TIAM1: variants seen among roughly 807,000 people sequenced by gnomAD.
TIAM1 encodes the protein rho guanine nucleotide exchange factor TIAM1.
A neutral mutation model predicts 163.5 loss-of-function variants in TIAM1; 65 were observed. The ratio of observed to expected loss-of-function variants is 0.40; its 90% CI spans 0.33 to 0.49. TIAM1 has a LOEUF of 0.49. Ranked by LOEUF, TIAM1 falls within the 20% of genes least tolerant of loss-of-function variation. TIAM1 has a pLI of 0.77. For missense variants in TIAM1, 1,789 were observed against 2,044.7 expected (o/e 0.87, Z 2.41); for synonymous variants, 833 against 810.1 (o/e 1.03, Z -0.48).
intron 4 of TIAM1, among the ~76,000 whole-genome samples, chr21:31,256,481 C>T (rs1340644539): frequency 6.6e-6 from 1 of 151,796 alleles, no homozygotes; most frequent in East Asian, 1.9e-4. Flanking sequence ...AAATGTGGAC[C>T]TACAGAAACC....
At chr21:31,430,501 G>T (rs67411541) in intron 2 of TIAM1, among the ~76,000 whole-genome samples, 6,655 of 151,836 alleles carry the variant, frequency 0.044, 234 homozygotes, top group East Asian at 0.13. Context: ...TCAAGCTAGC[G>T]TTTATACTTA....
Position 31,266,209 on chromosome 21 carries a change from C to A in TIAM1, c.764G>T (p.Gly255Val). ...ATCAGACACCAAATTCCGACAGTAGCCTGCAAATTTGCTCCCCGGCCCCCC... is the reference window on the plus strand; with the variant it reads ...ATCAGACACCAAATTCCGACAGTAGACTGCAAATTTGCTCCCCGGCCCCCC... Reference protein sequence around the residue: ...ANGGPGSKFAGYCRNLVSDIP... With the variant: ...ANGGPGSKFAVYCRNLVSDIP... The change falls in exon 4 of 28, where the codon GGC (glycine) becomes GTC (valine). Residue 255 changes from glycine (G) to valine (V), a missense_variant. By Grantham distance (109) the Gly-to-Val change is moderately radical. Coordinates refer to ENST00000541036, the MANE Select transcript of TIAM1 (RefSeq NM_001353694.2). 1 of 1,614,146 alleles carries A rather than the reference C, an allele frequency of 6.2e-7. No homozygotes were observed. The highest frequency in any genetic ancestry group is 8.5e-7 in the Non-Finnish European group (1 of 1,180,046).
intron 6 of TIAM1, among the ~76,000 whole-genome samples, chr21:31,235,411 A>T (rs1057078990): frequency 5.3e-5 from 8 of 152,250 alleles, no homozygotes; most frequent in Non-Finnish European, 1.2e-4. Context: ...CTTTAATCCT[A>T]AATGTTCATA....
At chr21:31,243,107 G>A (rs2071286331) in intron 6 of TIAM1, among the ~76,000 whole-genome samples, 1 of 147,826 alleles carries the variant, frequency 6.8e-6, no homozygotes, top group Non-Finnish European at 1.5e-5. Flanking sequence ...CAGGAGAATT[G>A]CTTGAACGTG....
chr21:31,321,248 C>G (rs1332997962), intron 2 of TIAM1, among the ~76,000 whole-genome samples: 1 of 152,212 alleles, frequency 6.6e-6, no homozygotes, highest in African/African-American at 2.4e-5. Context: ...GGCAGGCCTG[C>G]ACCTCTGCCT....
chr21:31,225,600 C>A, intron 7 of TIAM1, 126 bp downstream of exon 7: 1 of 746,008 alleles, frequency 1.3e-6, no homozygotes, highest in Non-Finnish European at 2.2e-6. Flanking sequence ...AACTTAGCAT[C>A]CTGGATGACA....
intron 1 of TIAM1, among the ~76,000 whole-genome samples, chr21:31,464,838 G>A (rs118127540): frequency 0.032 from 3,450 of 107,594 alleles, 54 homozygotes; most frequent in Non-Finnish European, 0.043. Context: ...GCAAGCTTCC[G>A]TCTCGGGAAA....
At chr21:31,320,652 G>A (rs2075279280) in intron 2 of TIAM1, among the ~76,000 whole-genome samples, 1 of 152,162 alleles carries the variant, frequency 6.6e-6, no homozygotes, top group African/African-American at 2.4e-5. Flanking sequence ...AGCAATGGTA[G>A]GTGACTCCCT....
intron 2 of TIAM1, among the ~76,000 whole-genome samples, chr21:31,420,823 G>A (rs1602236394): frequency 6.6e-6 from 1 of 152,084 alleles, no homozygotes; most frequent in Admixed American, 6.6e-5. Flanking sequence ...CTTTGCAGGT[G>A]TAATTAAGAT....
intron 14 of TIAM1, among the ~76,000 whole-genome samples, chr21:31,185,613 AT>A (rs1406221524): frequency 6.9e-6 from 1 of 144,678 alleles, no homozygotes; most frequent in Admixed American, 7.1e-5. Flanking sequence ...GCTATATATT[AT>A]ATTAATATAT....
At chr21:31,507,013 T>A (rs1369617459) in intron 1 of TIAM1, among the ~76,000 whole-genome samples, 1 of 152,106 alleles carries the variant, frequency 6.6e-6, no homozygotes, top group Non-Finnish European at 1.5e-5. Flanking sequence ...GACACTTGGG[T>A]TGCTTCCTCT....
chr21:31,121,073 G>A (rs989380946), intron 27 of TIAM1, among the ~76,000 whole-genome samples: 5 of 152,096 alleles, frequency 3.3e-5, no homozygotes, highest in South Asian at 2.1e-4. Context: ...AGGGGGAACC[G>A]GGGCACACAG....
At chr21:31,532,907 C>T (rs1215933935) in intron 1 of TIAM1, among the ~76,000 whole-genome samples, 1 of 152,164 alleles carries the variant, frequency 6.6e-6, no homozygotes, top group Non-Finnish European at 1.5e-5. Flanking sequence ...GGTTACACCA[C>T]TACACTCCAG....
chr21:31,550,709 T>A (rs2048655377), intron 1 of TIAM1, among the ~76,000 whole-genome samples: 2 of 152,062 alleles, frequency 1.3e-5, no homozygotes, highest in Admixed American at 6.5e-5. Flanking sequence ...ATTACAGAAA[T>A]ACAATGTACC....
At chr21:31,444,355 T>G (rs943007621) in intron 2 of TIAM1, among the ~76,000 whole-genome samples, 12 of 151,628 alleles carry the variant, frequency 7.9e-5, no homozygotes, top group African/African-American at 2.4e-4. Flanking sequence ...AATCAGTAAA[T>G]TTCTACTAAA....
chr21:31,151,639 C>T (rs563664053), intron 19 of TIAM1, among the ~76,000 whole-genome samples: 65 of 152,174 alleles, frequency 4.3e-4, no homozygotes, highest in South Asian at 2.1e-3. Flanking sequence ...TGTGCATTGT[C>T]CTGATTGTGA....
intron 2 of TIAM1, among the ~76,000 whole-genome samples, chr21:31,419,098 C>T (rs117879355): frequency 1.4e-3 from 210 of 152,230 alleles, no homozygotes; most frequent in Middle Eastern, 0.01. Flanking sequence ...AGCCTGAGAC[C>T]CTGGTAACTA....
At chr21:31,286,913 T>A (rs1467032864) in intron 2 of TIAM1, among the ~76,000 whole-genome samples, 1 of 152,168 alleles carries the variant, frequency 6.6e-6, no homozygotes, top group African/African-American at 2.4e-5. Flanking sequence ...TGGTCCCAAA[T>A]TCTCCTTTAG....
chr21:31,558,773 CG>C (rs930694978), intron 1 of TIAM1, among the ~76,000 whole-genome samples: 1 of 152,094 alleles, frequency 6.6e-6, no homozygotes, highest in African/African-American at 2.4e-5. Context: ...AAAGCCCGAT[CG>C]GGGGGAGCTA....
Sources: allele counts gnomAD v4.1 joint callset (sites outside exome capture counted in the v4.1 genomes callset), GRCh38; gene constraint gnomAD v4.1.1; transcripts MANE v1.5; gene names NCBI Gene and HGNC (gene_info 2026-07-23, HGNC 2026-07-21).